C1orf159: variants seen among roughly 807,000 people sequenced by gnomAD.
C1orf159 encodes the protein chromosome 1 open reading frame 159.
Under a neutral mutation model 25.6 loss-of-function variants are expected in C1orf159, and 19 were observed. The observed-to-expected ratio is 0.74, with a 90% confidence interval of 0.52 to 1.09. The LOEUF (loss-of-function observed/expected upper bound fraction) is 1.09. Ranked by LOEUF, C1orf159 falls within the 50% of genes least tolerant of loss-of-function variation. The pLI is 0.00. For synonymous variants in C1orf159, 139 were observed against 124.7 expected, an observed-to-expected ratio of 1.12 and a Z score of -0.77; for missense variants, 274 against 290.6, an observed-to-expected ratio of 0.94 and a Z score of 0.42.
intron 1 of C1orf159, among the ~76,000 whole-genome samples, chr1:1,099,591 G>C (rs1437674064): frequency 7.2e-5 from 11 of 152,208 alleles, no homozygotes; most frequent in African/African-American, 2.6e-4. Flanking sequence ...ATTGTGGGTT[G>C]TCTATTGATG....
intron 4 of C1orf159, 61 bp downstream of exon 4, chr1:1,090,292 G>GCA (rs200419850): frequency 2.8e-5 from 41 of 1,485,144 alleles, no homozygotes; most frequent in Non-Finnish European, 3.5e-5. Context: ...AGGGCCCTGG[G>GCA]CACACACACA....
chr1:1,113,614 T>C (rs1033509957), intron 1 of C1orf159, among the ~76,000 whole-genome samples: 4 of 152,100 alleles, frequency 2.6e-5, no homozygotes, highest in Admixed American at 2.0e-4. Flanking sequence ...TCAGAAGAGT[T>C]TGATGGACGG....
chr1:1,107,982 T>TG (rs1161242361), intron 1 of C1orf159, among the ~76,000 whole-genome samples: 1 of 152,174 alleles, frequency 6.6e-6, no homozygotes, highest in Non-Finnish European at 1.5e-5. Context: ...TAACACTCAC[T>TG]GCGAGGGTCT....
At chr1:1,112,620 C>T (rs983932023) in intron 1 of C1orf159, among the ~76,000 whole-genome samples, 1 of 152,136 alleles carries the variant, frequency 6.6e-6, no homozygotes, top group Non-Finnish European at 1.5e-5. Flanking sequence ...TCCCTCCCTC[C>T]AGTGAACACA....
Position 1,109,291 on chromosome 1 carries a change from T to C in C1orf159, c.-136+6769A>G, listed in dbSNP as rs376156245. Among the ~76,000 whole-genome samples, 7 of 152,332 alleles carry C rather than the reference T, an allele frequency of 4.6e-5. No individual in the cohort carries two copies. The East Asian group carries it at 1.3e-3, about 29-fold the overall frequency. ...CAGCTCATCACAACAGGACAAATAC[T>C]GTATGATTCTACTCATGAGGTTCCC... On this transcript the variant is annotated intron_variant, in intron 1 of 9. Transcript: ENST00000421241.
rs545364573 is a variant in C1orf159 at position 1,089,716 on chromosome 1, C to T, written c.148+637G>A. 1.1e-3 allele frequency among the ~76,000 whole-genome samples: 174 copies of T among 152,268 alleles called. No homozygotes were observed. The highest frequency in any genetic ancestry group is 1.1e-3 in the Non-Finnish European group (78 of 68,012). On this transcript the variant is annotated intron_variant, in intron 4 of 9. Coordinates refer to ENST00000421241, the MANE Select transcript of C1orf159 (RefSeq NM_017891.5). The surrounding 1 kb of genome is among the most constrained non-coding windows in gnomAD (Gnocchi z 7.5). ...TGGAGGTACAGCTGGGGCATCTCAG[C>T]CCCAAGTTCACCAAGGGCCGCCAAG... is the stretch of plus-strand genomic sequence containing the variant.
rs1646285057 is a variant in C1orf159 at position 1,113,163 on chromosome 1, T to C, written c.-136+2897A>G. ...GTGAGCCGAGATTGTGCCACTGCACTCCAGCCTGGGCGACAGAGACAGACT... is the reference window on the plus strand; with the variant it reads ...GTGAGCCGAGATTGTGCCACTGCACCCCAGCCTGGGCGACAGAGACAGACT... On this transcript the variant is annotated intron_variant, in intron 1 of 9. Coordinates refer to ENST00000421241, the MANE Select transcript of C1orf159 (RefSeq NM_017891.5). Among the ~76,000 whole-genome samples, 3 of 148,326 alleles carry C rather than the reference T, an allele frequency of 2.0e-5. No individual in the cohort carries two copies. The South Asian group carries it at 6.5e-4, about 32-fold the overall frequency.
At position 1,085,203 on chromosome 1, in the gene C1orf159, C is replaced by T. The variant is rs1381591510; in HGVS notation, c.445+675G>A. Reference sequence around the variant, plus strand: ...CAGCCAGGTGGGGCTGCCCAGAGACCTGGGAGGAGGCCCCAGCTCGGCTAT... The same window carrying T: ...CAGCCAGGTGGGGCTGCCCAGAGACTTGGGAGGAGGCCCCAGCTCGGCTAT... On this transcript the variant is annotated intron_variant, in intron 7 of 9. Coordinates refer to ENST00000421241, the MANE Select transcript of C1orf159 (RefSeq NM_017891.5). 7 of 381,472 alleles carry T rather than the reference C, an allele frequency of 1.8e-5. No homozygotes were observed. In the East Asian group the frequency reaches 4.3e-4, roughly 23 times the overall value. 23.6% of individuals were successfully genotyped at this position (381,472 alleles called of 1,614,324 possible). A position where few individuals can be genotyped will look rare whatever the true frequency, so the allele number is the denominator to read the frequency against.
At chr1:1,112,251 G>A (rs1646267517) in intron 1 of C1orf159, among the ~76,000 whole-genome samples, 2 of 152,242 alleles carry the variant, frequency 1.3e-5, no homozygotes, top group Admixed American at 6.5e-5. Context: ...TCAGGAACTG[G>A]GCGAGTTGGC....
chr1:1,113,851 C>T (rs112333996), intron 1 of C1orf159, among the ~76,000 whole-genome samples: 205 of 150,072 alleles, frequency 1.4e-3, no homozygotes, highest in Non-Finnish European at 2.2e-3. Flanking sequence ...ACAGCGGCTG[C>T]GGGCACTTGG....
In C1orf159 at chr1:1,103,770, G is replaced by A. The variant is rs541742165; in HGVS notation, c.-135-11667C>T. 2.4e-3 allele frequency among the ~76,000 whole-genome samples: 368 copies of A among 152,038 alleles called. 3 individuals carry two copies. The highest frequency in any genetic ancestry group is 4.5e-3 in the Non-Finnish European group (304 of 67,960). On this transcript the variant is annotated intron_variant, in intron 1 of 9. Coordinates refer to ENST00000421241, the MANE Select transcript of C1orf159 (RefSeq NM_017891.5). ...TCTGGAGACACATTCTCCCTCTGTC[G>A]CCCAGGCAGAAATGCAGTGGCAGCG...
chr1:1,112,450 C>T (rs560310431), intron 1 of C1orf159, among the ~76,000 whole-genome samples: 59 of 152,226 alleles, frequency 3.9e-4, no homozygotes, highest in Non-Finnish European at 7.4e-4. Flanking sequence ...ACACACAGCG[C>T]ATGCTCCCTC....
chr1:1,091,865 G>A lies in C1orf159; in HGVS notation c.-23+126C>T, dbSNP rs1000814305. Reference sequence around the variant, plus strand: ...AGATGACTGAGTTAAATGGAGATGGGGCAGGGCCGTGGCAGGGGTGCAGGG... The same window carrying A: ...AGATGACTGAGTTAAATGGAGATGGAGCAGGGCCGTGGCAGGGGTGCAGGG... On this transcript the variant is annotated intron_variant, in intron 2 of 9. Coordinates refer to ENST00000421241, the MANE Select transcript of C1orf159 (RefSeq NM_017891.5). 16 of 487,466 alleles carry A rather than the reference G, an allele frequency of 3.3e-5. 1 individual carries two copies. The Admixed American group carries it at 4.3e-4, about 13-fold the overall frequency. 30.2% of individuals were successfully genotyped at this position (487,466 alleles called of 1,614,324 possible). A position where few individuals can be genotyped will look rare whatever the true frequency, so the allele number is the denominator to read the frequency against.
At chr1:1,088,091 G>T (rs781600524) in intron 4 of C1orf159, among the ~76,000 whole-genome samples, 1 of 151,018 alleles carries the variant, frequency 6.6e-6, no homozygotes, top group Non-Finnish European at 1.5e-5. Flanking sequence ...CCACCACCCA[G>T]CCTTCACCCC....
At chr1:1,101,908 C>A (rs779951262) in intron 1 of C1orf159, among the ~76,000 whole-genome samples, 2 of 151,738 alleles carry the variant, frequency 1.3e-5, no homozygotes, top group Admixed American at 1.3e-4. Flanking sequence ...CCCGTATCTA[C>A]TAAAAATACA....
chr1:1,107,366 G>A (rs1361751493), intron 1 of C1orf159, among the ~76,000 whole-genome samples: 1 of 152,178 alleles, frequency 6.6e-6, no homozygotes, highest in East Asian at 1.9e-4. Context: ...GGGACTTGGA[G>A]AACCTTTATG....
chr1:1,108,488 C>T (rs1398148081), intron 1 of C1orf159, among the ~76,000 whole-genome samples: 11 of 127,532 alleles, frequency 8.6e-5, no homozygotes, highest in Admixed American at 3.9e-4. Flanking sequence ...GCAGCACCGT[C>T]CACCACAGCC....
intron 1 of C1orf159, among the ~76,000 whole-genome samples, chr1:1,114,179 T>G (rs549789928): frequency 5.1e-4 from 77 of 151,956 alleles, no homozygotes; most frequent in African/African-American, 1.8e-3. Flanking sequence ...CCCACGGCCT[T>G]GCAAAGTGCT....
At chr1:1,084,529 T>G (rs770680065) in intron 7 of C1orf159, 23 bp from the exon 8 acceptor site, 2 of 1,550,072 alleles carry the variant, frequency 1.3e-6, no homozygotes, top group South Asian at 2.4e-5. Context: ...AAGCGGAGAG[T>G]CACCCTGGAG....
Sources: gnomAD v4.1 joint callset for allele counts (sites outside exome capture counted in the v4.1 genomes callset) on GRCh38, gnomAD v4.1.1 for gene constraint, Gnocchi (gnomAD v3.1) non-coding constraint, MANE v1.5 for transcripts, NCBI Gene and HGNC (gene_info 2026-07-23, HGNC 2026-07-21) for gene names.